Variants in MARCHF11 observed in about 807,000 individuals in gnomAD.
MARCHF11 encodes membrane associated ring-CH-type finger 11, also known as E3 ubiquitin-protein ligase MARCHF11.
MARCHF11 carries 29 observed loss-of-function variants against 37.3 expected under a neutral mutation model. The ratio of observed to expected loss-of-function variants is 0.78; its 90% confidence interval spans 0.58 to 1.06. The LOEUF is 1.06. MARCHF11 is among the 50% of genes least tolerant of loss of function. The pLI, the probability that MARCHF11 is intolerant of heterozygous loss-of-function variation, is 0.00. For synonymous variants in MARCHF11, 233 were observed against 228.0 expected (o/e 1.02, Z -0.20); for missense variants, 482 against 533.4 (o/e 0.90, Z 0.95).
At chr5:16,167,808 C>T (rs1400331705) in intron 2 of MARCHF11, among the ~76,000 whole-genome samples, 1 of 151,898 alleles carries the variant, frequency 6.6e-6, no homozygotes, top group South Asian at 2.1e-4. Flanking sequence ...CTTGTTTTAC[C>T]AACTCTGTAA....
At chr5:16,106,952 T>C (rs1737050857) in intron 2 of MARCHF11, among the ~76,000 whole-genome samples, 1 of 152,140 alleles carries the variant, frequency 6.6e-6, no homozygotes, top group South Asian at 2.1e-4. Flanking sequence ...TCTTAATCTT[T>C]CTTGTCAGTT....
chr5:16,169,992 G>A (rs1463278932), intron 2 of MARCHF11, among the ~76,000 whole-genome samples: 1 of 152,046 alleles, frequency 6.6e-6, no homozygotes, highest in Non-Finnish European at 1.5e-5. Flanking sequence ...GGAAATTAGT[G>A]AGGAGGAAAT....
chr5:16,134,866 T>A (rs1054679454), intron 2 of MARCHF11, among the ~76,000 whole-genome samples: 2 of 152,246 alleles, frequency 1.3e-5, no homozygotes, highest in Middle Eastern at 3.4e-3. Context: ...TTTAGGTATA[T>A]AAAACATGAG....
In MARCHF11 at chr5:16,144,666, C is replaced by T. The variant is rs543227810; in HGVS notation, c.693+33060G>A. ...GAATGTACAGATATGAGTCACATGG[C>T]TCCGCACCCAGTGAAATTATACCAA... On this transcript the variant is annotated intron_variant, in intron 2 of 3. Transcript: ENST00000332432. Among the ~76,000 whole-genome samples, 4 of 152,274 alleles carry T rather than the reference C, an allele frequency of 2.6e-5. No homozygotes were observed. In the South Asian group the frequency reaches 8.3e-4, roughly 32 times the overall value.
At chr5:16,106,314 T>G in intron 2 of MARCHF11, among the ~76,000 whole-genome samples, 1 of 152,132 alleles carries the variant, frequency 6.6e-6, no homozygotes, top group East Asian at 1.9e-4. Context: ...GAAAGTGTGT[T>G]CGGCAATCTG....
Position 16,092,565 on chromosome 5 carries a change from T to G in MARCHF11, c.694-1484A>C, listed in dbSNP as rs1736804680. 1.3e-5 allele frequency among the ~76,000 whole-genome samples: 2 copies of G among 151,928 alleles called. 1 individual carries two copies. Among genetic ancestry groups the G allele is most frequent in the Admixed American group, 1.3e-4 (2 of 15,234 alleles). On this transcript the variant is annotated intron_variant, in intron 2 of 3. Coordinates refer to ENST00000332432, the MANE Select transcript of MARCHF11 (RefSeq NM_001102562.3). ...ACACATGGACACAGGGAGGGGAACA[T>G]CACACTGGGGCCTGTTGGTGGGTGG...
chr5:16,156,303 T>G (rs1243767543), intron 2 of MARCHF11, among the ~76,000 whole-genome samples: 1 of 151,900 alleles, frequency 6.6e-6, no homozygotes, highest in East Asian at 1.9e-4. Flanking sequence ...ACTGGCCAAA[T>G]TCTGACTCAC....
intron 2 of MARCHF11, among the ~76,000 whole-genome samples, chr5:16,128,901 T>C (rs1218629466): frequency 2.0e-5 from 3 of 152,248 alleles, no homozygotes; most frequent in East Asian, 3.8e-4. Context: ...AAACCATCAA[T>C]TGTAGACGAA....
chr5:16,162,159 C>A lies in MARCHF11; in HGVS notation c.693+15567G>T, dbSNP rs963237058. On this transcript the variant is annotated intron_variant, in intron 2 of 3. Coordinates refer to ENST00000332432, the MANE Select transcript of MARCHF11 (RefSeq NM_001102562.3). Reference sequence around the variant, plus strand: ...AATATTTTAAATAACTCAGGAGGAGCAAACTGACCACCTGTTTCTCAGAAT... The same window carrying A: ...AATATTTTAAATAACTCAGGAGGAGAAAACTGACCACCTGTTTCTCAGAAT... 4.6e-5 allele frequency among the ~76,000 whole-genome samples: 7 copies of A among 151,946 alleles called. No homozygotes were observed. In the East Asian group the frequency reaches 1.4e-3, roughly 30 times the overall value.
chr5:16,103,603 C>T (rs949909385), intron 2 of MARCHF11, among the ~76,000 whole-genome samples: 24 of 152,318 alleles, frequency 1.6e-4, no homozygotes, highest in East Asian at 1.9e-4. Flanking sequence ...TCCATGTTCT[C>T]TTTTGCCATG....
chr5:16,078,511 C>G (rs75833136), intron 3 of MARCHF11, among the ~76,000 whole-genome samples: 1 of 152,136 alleles, frequency 6.6e-6, no homozygotes, highest in Non-Finnish European at 1.5e-5. Flanking sequence ...GTCTCCCCTG[C>G]CCTGCTGGTG....
chr5:16,087,222 A>T (rs1220457479), intron 3 of MARCHF11, among the ~76,000 whole-genome samples: 1 of 152,252 alleles, frequency 6.6e-6, no homozygotes, highest in Admixed American at 6.5e-5. Flanking sequence ...CATTTGATCC[A>T]TAGAAGTATT....
chr5:16,120,641 T>C, intron 2 of MARCHF11, among the ~76,000 whole-genome samples: 1 of 152,238 alleles, frequency 6.6e-6, no homozygotes, highest in Admixed American at 6.5e-5. Context: ...ACTGCAAAAC[T>C]GGCCACATGA....
intron 2 of MARCHF11, among the ~76,000 whole-genome samples, chr5:16,093,159 C>G (rs1481223713): frequency 2.0e-5 from 3 of 152,066 alleles, no homozygotes; most frequent in Admixed American, 6.5e-5. Context: ...GTGTGTTTGA[C>G]TTTCATATGG....
chr5:16,146,007 C>G (rs188765858), intron 2 of MARCHF11, among the ~76,000 whole-genome samples: 45 of 152,268 alleles, frequency 3.0e-4, no homozygotes, highest in African/African-American at 1.1e-3. Flanking sequence ...CTCACAAATT[C>G]CATAAATGGA....
chr5:16,147,351 G>A (rs1430007528), intron 2 of MARCHF11, among the ~76,000 whole-genome samples: 3 of 152,040 alleles, frequency 2.0e-5, no homozygotes, highest in Non-Finnish European at 4.4e-5. Flanking sequence ...CCAAAACCCC[G>A]TGACGCAGTT....
At chr5:16,115,630 CTT>C (rs5866171) in intron 2 of MARCHF11, among the ~76,000 whole-genome samples, 117 of 143,528 alleles carry the variant, frequency 8.2e-4, no homozygotes, top group Middle Eastern at 3.6e-3. Flanking sequence ...AGCTTGTTTG[CTT>C]TTTTTTTTTT....
intron 2 of MARCHF11, among the ~76,000 whole-genome samples, chr5:16,093,806 A>G (rs1207629520): frequency 6.6e-6 from 1 of 152,234 alleles, no homozygotes; most frequent in East Asian, 1.9e-4. Context: ...GGGAAGCTTA[A>G]CTATTCACTA....
At chr5:16,111,091 T>A (rs1232738848) in intron 2 of MARCHF11, among the ~76,000 whole-genome samples, 1 of 152,198 alleles carries the variant, frequency 6.6e-6, no homozygotes, top group Non-Finnish European at 1.5e-5. Flanking sequence ...CTCTTTTTCT[T>A]TATAAATTAC....
Sources: gnomAD v4.1 joint callset for allele counts (sites outside exome capture counted in the v4.1 genomes callset) on GRCh38, gnomAD v4.1.1 for gene constraint, MANE v1.5 for transcripts, NCBI Gene and HGNC (gene_info 2026-07-23, HGNC 2026-07-21) for gene names.